Variants in CGN observed in about 807,000 individuals in gnomAD.
CGN encodes cingulin.
A neutral mutation model predicts 157.1 loss-of-function variants in CGN; 121 were observed. The ratio of observed to expected loss-of-function variants is 0.77; its 90% CI spans 0.66 to 0.90. CGN has a LOEUF of 0.90. Among genes scored for constraint, CGN ranks in the 40% least tolerant of loss-of-function variants. CGN has a pLI of 0.00. For missense variants in CGN, 1,424 were observed against 1,520.9 expected (o/e 0.94, Z 1.06); for synonymous variants, 535 against 607.5 (o/e 0.88, Z 1.76).
intron 1 of CGN, among the ~76,000 whole-genome samples, chr1:151,512,953 G>A (rs901463111): frequency 3.3e-5 from 5 of 152,128 alleles, no homozygotes; most frequent in African/African-American, 7.2e-5. Context: ...AGGGAGGGGC[G>A]GACTGAGGAC....
rs1557988405 is a variant in CGN, at chr1:151,523,577, G to A, written c.1268+16G>A. The A allele has an allele frequency of 1.3e-6, 2 of 1,591,930 alleles. No homozygotes were observed. The highest frequency in any genetic ancestry group is 1.7e-6 in the Non-Finnish European group (2 of 1,170,114). On this transcript the variant is annotated intron_variant, in intron 6 of 20. Transcript: ENST00000271636. Reference sequence around the variant, plus strand: ...GCAACAAGGAGTGAGTGCAGCTGGTGGCGCACCTCGGGCTGCTTGGGGGCC... The same window carrying A: ...GCAACAAGGAGTGAGTGCAGCTGGTAGCGCACCTCGGGCTGCTTGGGGGCC...
chr1:151,532,615 T>A, intron 14 of CGN, 43 bp downstream of exon 14: 74 of 767,624 alleles, frequency 9.6e-5, no homozygotes, highest in Non-Finnish European at 1.1e-4. Context: ...CTTGCCTCTT[T>A]TTTTTTTTTT....
chr1:151,518,767 AG>A lies in CGN; in HGVS notation c.253del (p.Ala85ProfsTer10). On this transcript the variant is annotated frameshift_variant, in exon 2 of 21. Transcript: ENST00000271636. LOFTEE classifies it high-confidence loss of function. The stretch of plus-strand genomic sequence containing the variant: ...GGTGACTCCTTTGGGGTCCAAATCA[AG>A]GGGGCCAATGACCAAGGGGCCTCAG... ...KGGDSFGVQI[K>X]GANDQGASGA... 2 of 1,614,088 alleles carry A rather than the reference AG, an allele frequency of 1.2e-6. No individual in the cohort carries two copies. The highest frequency in any genetic ancestry group is 8.5e-7 in the Non-Finnish European group (1 of 1,179,980).
intron 13 of CGN, 98 bp downstream of exon 13, chr1:151,530,844 ATGTG>A: frequency 7.7e-7 from 1 of 1,303,580 alleles, no homozygotes; most frequent in Non-Finnish European, 1.1e-6. Context: ...GTTAGTCAGA[ATGTG>A]TGATGATTAT....
intron 5 of CGN, among the ~76,000 whole-genome samples, chr1:151,522,004 A>G (rs950792155): frequency 7.9e-5 from 12 of 152,158 alleles, no homozygotes; most frequent in Admixed American, 6.5e-4. Context: ...AGGGCCAGGC[A>G]TGGTGGCTTA....
chr1:151,518,730 G>A lies in CGN; in HGVS notation c.211G>A (p.Gly71Arg), dbSNP rs756601182. The A allele has an allele frequency of 4.3e-6, 7 of 1,614,170 alleles. No individual in the cohort carries two copies. The South Asian group carries it at 7.7e-5, about 18-fold the overall frequency. Reference sequence around the variant, plus strand: ...GCAGCCCTTTGTGGTGCTCAACAGTGGGGAGAAAGGCGGTGACTCCTTTGG... The same window carrying A: ...GCAGCCCTTTGTGGTGCTCAACAGTAGGGAGAAAGGCGGTGACTCCTTTGG... ...AGQPFVVLNS[G>R]EKGGDSFGVQ... is the part of the protein sequence containing the mutation. The change falls in exon 2 of 21, where the codon GGG becomes AGG. Residue 71 changes from glycine (G) to arginine (R), a missense_variant. Transcript: ENST00000271636.
chr1:151,529,605 T>G, intron 11 of CGN, 46 bp downstream of exon 11: 3 of 1,542,402 alleles, frequency 1.9e-6, no homozygotes, highest in Non-Finnish European at 2.7e-6. Flanking sequence ...GCTGAGGGTG[T>G]CTGGAGGGCT....
intron 14 of CGN, 37 bp downstream of exon 14, chr1:151,532,609 CCT>C: frequency 2.6e-4 from 303 of 1,155,498 alleles, no homozygotes; most frequent in Non-Finnish European, 3.2e-4. Context: ...AAGGTCCTTG[CCT>C]CTTTTTTTTT....
chr1:151,518,742 G>T lies in CGN; in HGVS notation c.223G>T (p.Gly75Cys). ...FVVLNSGEKG[G>C]DSFGVQIKGA... ...GGTGCTCAACAGTGGGGAGAAAGGC[G>T]GTGACTCCTTTGGGGTCCAAATCAA... Residue 75 changes from glycine (G) to cysteine (C), a missense_variant, in exon 2 of 21, where the codon GGT becomes TGT. Around this residue, in one of 3 missense-constraint regions of CGN, gnomAD observed 1,187 missense variants for 1,217.6 expected, o/e 0.97. Transcript: ENST00000271636. The T allele has an allele frequency of 6.2e-7, 1 of 1,614,100 alleles. No individual in the cohort carries two copies. Among genetic ancestry groups the T allele is most frequent in the African/African-American group, 1.3e-5 (1 of 75,016 alleles).
Position 151,529,974 on chromosome 1 carries a change from G to T in CGN, c.2172G>T (p.Thr724=). Reference sequence around the variant, plus strand: ...AGCGGCGGGCCGCAGTGGAGACGACGCTTCGGGAGACCCAGGAGGAAAATG... The same window carrying T: ...AGCGGCGGGCCGCAGTGGAGACGACTCTTCGGGAGACCCAGGAGGAAAATG... The part of the protein sequence containing the change: ...LGQRRAAVET[T]LRETQEENDE... The change falls in exon 12 of 21, where the codon ACG becomes ACT. Residue 724 remains threonine, a synonymous_variant. Transcript: ENST00000271636. 1 of 1,614,176 alleles carries T rather than the reference G, an allele frequency of 6.2e-7. No individual in the cohort carries two copies. The highest frequency in any genetic ancestry group is 8.5e-7 in the Non-Finnish European group (1 of 1,180,014).
chr1:151,536,748 G>A lies in CGN; in HGVS notation c.3325G>A (p.Ala1109Thr), dbSNP rs751763392. 2 of 1,614,044 alleles carry A rather than the reference G, an allele frequency of 1.2e-6. No individual in the cohort carries two copies. The stretch of plus-strand genomic sequence containing the variant: ...TGCCCAGCTAAGCCTGAGGGTGAAG[G>A]CTTTGAAGCGTCAGGTGGATGAAGC... Reference protein sequence around the residue: ...QKDQLSLRVKALKRQVDEAEE... With the variant: ...QKDQLSLRVKTLKRQVDEAEE... Residue 1109 changes from alanine to threonine, a missense_variant, in exon 20 of 21, where the codon GCT (alanine) becomes ACT (threonine). Physicochemically the swap from Ala to Thr is moderately conservative, Grantham distance 58. This residue lies in a region of CGN where 199 missense variants were observed against 272.2 expected (regional missense o/e 0.73). Coordinates refer to ENST00000271636, the MANE Select transcript of CGN (RefSeq NM_020770.3).
rs569243416 is a variant in CGN, at chr1:151,529,476, C to G, written c.2023C>G (p.Arg675Gly). Reference sequence around the variant, plus strand: ...GGCGGTCCTGAGGGTCGAGGCTGATCGAGGTCGGGAGCTGGAAGAACAGAA... The same window carrying G: ...GGCGGTCCTGAGGGTCGAGGCTGATGGAGGTCGGGAGCTGGAAGAACAGAA... ...QLAVLRVEAD[R>G]GRELEEQNLQ... The change falls in exon 11 of 21, where the codon CGA becomes GGA. Residue 675 changes from arginine to glycine, a missense_variant. Coordinates refer to ENST00000271636, the MANE Select transcript of CGN (RefSeq NM_020770.3). 6.2e-7 allele frequency: 1 copy of G among 1,613,546 alleles called. No individual in the cohort carries two copies.
Position 151,527,042 on chromosome 1 carries a change from C to T in CGN, c.1831C>T (p.Gln611Ter), listed in dbSNP as rs776085691. The T allele has an allele frequency of 3.8e-5, 61 of 1,614,112 alleles. No individual in the cohort carries two copies. Among genetic ancestry groups the T allele is most frequent in the Non-Finnish European group, 5.1e-5 (60 of 1,180,000 alleles). Residue 611 changes from glutamine (Q) to a stop codon, truncating the protein, a stop_gained, in exon 10 of 21, where the codon CAG becomes TAG. Transcript: ENST00000271636. LOFTEE classifies it high-confidence loss of function. ...EELGEKIEVL[Q>*]RELEQARASA... is the part of the protein sequence containing the mutation. ...GCTTGGAGAGAAGATAGAGGTCTTG[C>T]AGAGGGAATTAGAGCAGGCCCGAGC...
At chr1:151,513,320 T>C (rs1664342124) in intron 1 of CGN, among the ~76,000 whole-genome samples, 1 of 152,216 alleles carries the variant, frequency 6.6e-6, no homozygotes, top group Non-Finnish European at 1.5e-5. Context: ...ATTGTGTTTT[T>C]TTCCCTACTG....
intron 1 of CGN, among the ~76,000 whole-genome samples, chr1:151,516,006 C>CA (rs1020270709): frequency 6.6e-6 from 1 of 152,186 alleles, no homozygotes; most frequent in African/African-American, 2.4e-5. Flanking sequence ...GTCCCAGGGC[C>CA]AAAAAGATGA....
intron 13 of CGN, among the ~76,000 whole-genome samples, chr1:151,530,993 T>C (rs112861154): frequency 3.9e-5 from 6 of 151,994 alleles, no homozygotes; most frequent in African/African-American, 1.4e-4. Context: ...TACAAAAAAT[T>C]AGCCGGGCTT....
chr1:151,520,139 T>G (rs747176969), intron 2 of CGN, 27 bp from the exon 3 acceptor site: 1 of 1,544,880 alleles, frequency 6.5e-7, no homozygotes, highest in Non-Finnish European at 8.8e-7. Flanking sequence ...TCTTTCTTTT[T>G]TTTTTCTTTT....
Position 151,533,971 on chromosome 1 carries a change from C to T in CGN, c.2743-4C>T. The T allele has an allele frequency of 6.2e-7, 1 of 1,604,950 alleles. No individual in the cohort carries two copies. The highest frequency in any genetic ancestry group is 2.2e-5 in the East Asian group (1 of 44,788). On this transcript the variant is annotated splice_region_variant and splice_polypyrimidine_tract_variant and intron_variant, in intron 14 of 20. Coordinates refer to ENST00000271636, the MANE Select transcript of CGN (RefSeq NM_020770.3). ...GAGCTGTGGCATTTTTACCCCCTGC[C>T]CAGATCCAGAGGCTGCGGCAGGCCC... is the stretch of plus-strand genomic sequence containing the variant.
Position 151,529,898 on chromosome 1 carries a change from A to ACCGT in CGN, c.2107-8_2107-5dup. On this transcript the variant is annotated splice_polypyrimidine_tract_variant and intron_variant, in intron 11 of 20. Coordinates refer to ENST00000271636, the MANE Select transcript of CGN (RefSeq NM_020770.3). Reference sequence around the variant, plus strand: ...TGGGGTCTGAGCTGCCACCCCCTGAACCGTCCTTAGGCTAAGATGGTGGCC... The same window carrying ACCGT: ...TGGGGTCTGAGCTGCCACCCCCTGAACCGTCCGTCCTTAGGCTAAGATGGTGGCC... The ACCGT allele has an allele frequency of 6.2e-7, 1 of 1,610,410 alleles. No individual in the cohort carries two copies. Among genetic ancestry groups the ACCGT allele is most frequent in the Non-Finnish European group, 8.5e-7 (1 of 1,177,700 alleles).
Sources: gnomAD v4.1 joint callset for allele counts (sites outside exome capture counted in the v4.1 genomes callset) on GRCh38, gnomAD v4.1.1 for gene constraint, gnomAD v4.1.1 regional missense constraint, MANE v1.5 for transcripts, NCBI Gene and HGNC (gene_info 2026-07-23, HGNC 2026-07-21) for gene names.